The following CPNE1 variants were observed in gnomAD, a reference collection of about 807,000 sequenced individuals.
CPNE1 encodes the protein copine 1, also known as copine-1.
In CPNE1, 58 loss-of-function variants were observed where a neutral mutation model predicts 63.2. The observed-to-expected ratio is 0.92, with a 90% CI of 0.74 to 1.14. The LOEUF is 1.14. Among genes scored for constraint, CPNE1 ranks in the 50% most tolerant of loss-of-function variants. The pLI is 0.00. For missense variants in CPNE1, 672 were observed against 661.7 expected (o/e 1.02, Z -0.17); for synonymous variants, 237 against 249.0 (o/e 0.95, Z 0.45).
intron 1 of CPNE1, chr20:35,654,541 C>T (rs2033769005): frequency 2.5e-6 from 4 of 1,614,188 alleles, no homozygotes; most frequent in Non-Finnish European, 3.4e-6. Context: ...TGCTCCAGAG[C>T]CATTCATTCC....
intron 13 of CPNE1, 77 bp downstream of exon 13, chr20:35,630,362 C>T (rs943942251): frequency 9.0e-7 from 1 of 1,114,044 alleles, no homozygotes; most frequent in Non-Finnish European, 1.3e-6. Context: ...TATCTGCCCC[C>T]ACTCTCCCTT....
chr20:35,644,100 G>T (rs1453131955), intron 1 of CPNE1, among the ~76,000 whole-genome samples: 2 of 152,186 alleles, frequency 1.3e-5, no homozygotes, highest in South Asian at 4.1e-4. Flanking sequence ...TGTTATTTGT[G>T]AGGATTACAT....
chr20:35,626,586 GGTACAAACT>G lies in CPNE1; in HGVS notation c.1445_1453del (p.Gln482_Val484del). The G allele has an allele frequency of 6.2e-7, 1 of 1,614,120 alleles. No individual in the cohort carries two copies. Among genetic ancestry groups the G allele is most frequent in the Non-Finnish European group, 8.5e-7 (1 of 1,179,990 alleles). ...ACTCACATTCTGGAACCGGCGGTAG[GGTACAAACT>G]GCACAATGTCGCGGGCAGCAGCCTG... On this transcript the variant is annotated inframe_deletion, in exon 15 of 16. Coordinates refer to ENST00000397443, the MANE Select transcript of CPNE1 (RefSeq NM_152925.3).
At chr20:35,630,183 A>T (rs2032023837) in intron 13 of CPNE1, among the ~76,000 whole-genome samples, 1 of 152,210 alleles carries the variant, frequency 6.6e-6, no homozygotes, top group Non-Finnish European at 1.5e-5. Flanking sequence ...AGTCCCAGCT[A>T]CTTGGGAGGC....
At chr20:35,630,332 C>G in intron 13 of CPNE1, 107 bp downstream of exon 13, 1 of 830,390 alleles carries the variant, frequency 1.2e-6, no homozygotes, top group Non-Finnish European at 2.0e-6. Context: ...AAAATCCACC[C>G]TCTGGACAAT....
chr20:35,636,858 T>G (rs1354017741), intron 1 of CPNE1, among the ~76,000 whole-genome samples: 1 of 152,180 alleles, frequency 6.6e-6, no homozygotes, highest in African/African-American at 2.4e-5. Flanking sequence ...TGTAGGTGTA[T>G]CTTTATAACA....
chr20:35,631,672 G>C lies in CPNE1; in HGVS notation c.627+16C>G. The C allele has an allele frequency of 1.2e-6, 2 of 1,613,546 alleles. No homozygotes were observed. Among genetic ancestry groups the C allele is most frequent in the Non-Finnish European group, 1.7e-6 (2 of 1,179,486 alleles). ...CTCTTCTCCAGCGCAGTCCACTTAGGGGGCAAGCTCCTCACCTGGATGGGT... is the reference window on the plus strand; with the variant it reads ...CTCTTCTCCAGCGCAGTCCACTTAGCGGGCAAGCTCCTCACCTGGATGGGT... On this transcript the variant is annotated intron_variant, in intron 7 of 15. Coordinates refer to ENST00000397443, the MANE Select transcript of CPNE1 (RefSeq NM_152925.3).
intron 1 of CPNE1, among the ~76,000 whole-genome samples, chr20:35,647,125 A>G (rs2033154541): frequency 6.6e-6 from 1 of 151,980 alleles, no homozygotes; most frequent in Non-Finnish European, 1.5e-5. Flanking sequence ...AGCCTGGCCA[A>G]CATGGTGAAA....
At chr20:35,648,479 T>C (rs1207412596) in intron 1 of CPNE1, among the ~76,000 whole-genome samples, 1 of 152,232 alleles carries the variant, frequency 6.6e-6, no homozygotes, top group East Asian at 1.9e-4. Context: ...AAAAGCCATT[T>C]TGGATATCTG....
chr20:35,654,958 G>A, intron 1 of CPNE1: 1 of 1,614,190 alleles, frequency 6.2e-7, no homozygotes, highest in East Asian at 2.2e-5. Context: ...GTTGGATACT[G>A]TTGTGGGCAA....
chr20:35,631,668 T>C lies in CPNE1; in HGVS notation c.627+20A>G, dbSNP rs771791549. ...GGTTCTCTTCTCCAGCGCAGTCCAC[T>C]TAGGGGGCAAGCTCCTCACCTGGAT... On this transcript the variant is annotated intron_variant, in intron 7 of 15. Coordinates refer to ENST00000397443, the MANE Select transcript of CPNE1 (RefSeq NM_152925.3). The C allele has an allele frequency of 1.2e-6, 2 of 1,613,246 alleles. No individual in the cohort carries two copies. Among genetic ancestry groups the C allele is most frequent in the South Asian group, 2.2e-5 (2 of 91,062 alleles).
intron 1 of CPNE1, among the ~76,000 whole-genome samples, chr20:35,648,250 A>C (rs2033266753): frequency 6.6e-6 from 1 of 152,170 alleles, no homozygotes; most frequent in Admixed American, 6.5e-5. Context: ...GATAAGACTG[A>C]AATAAAGCCA....
Position 35,626,801 on chromosome 20 carries a change from T to C in CPNE1, c.1239A>G (p.Gln413=), listed in dbSNP as rs2425068. The part of the protein sequence containing the change: ...AQAAHQGTAS[Q]YFMLLLLTDG... The stretch of plus-strand genomic sequence containing the variant: ...CAGTCAGCAGCAACAGCATGAAGTA[T>C]TGCTGGGGACAAGCCCATTCATGTC... Residue 413 remains glutamine (Q), a splice_region_variant and synonymous_variant, in exon 15 of 16, where the codon CAA becomes CAG. Transcript: ENST00000397443. 0.061 allele frequency: 98,686 copies of C among 1,613,150 alleles called. 3,430 individuals carry two copies. Among genetic ancestry groups the C allele is most frequent in the Admixed American group, 0.11 (6,449 of 59,994 alleles).
intron 1 of CPNE1, among the ~76,000 whole-genome samples, chr20:35,639,751 G>A (rs2032698774): frequency 6.6e-6 from 1 of 152,220 alleles, no homozygotes; most frequent in Non-Finnish European, 1.5e-5. Context: ...CACAACTGGA[G>A]CTGCTGTCTT....
Position 35,630,480 on chromosome 20 carries a change from T to G in CPNE1, c.1061A>C (p.Glu354Ala), listed in dbSNP as rs773962387. Residue 354 changes from glutamate to alanine, a missense_variant, in exon 13 of 16, where the codon GAA becomes GCA. Physicochemically the swap from Glu to Ala is moderately radical, Grantham distance 107. Coordinates refer to ENST00000397443, the MANE Select transcript of CPNE1 (RefSeq NM_152925.3). Reference protein sequence around the residue: ...QVPPDWQVSHEFALNFNPSNP... With the variant: ...QVPPDWQVSHAFALNFNPSNP... ...ACTGGGGTTGAAATTCAAGGCAAAT[T>G]CATGCGAGACCTGGAGACAAGAATG... 7 of 1,613,956 alleles carry G rather than the reference T, an allele frequency of 4.3e-6. No individual in the cohort carries two copies. The African/African-American group carries it at 8.0e-5, about 18-fold the overall frequency.
At chr20:35,626,832 G>C in intron 14 of CPNE1, 29 bp from the exon 15 acceptor site, 10 of 1,570,578 alleles carry the variant, frequency 6.4e-6, no homozygotes, top group Non-Finnish European at 8.8e-6. Context: ...ATGTCCTGAA[G>C]CAGATCCTCC....
In CPNE1 at chr20:35,653,981, C is replaced by G. The variant is rs777168040; in HGVS notation, c.-1+10779G>C. Reference sequence around the variant, plus strand: ...ACAATATCCAGCTTTTTAAAAAAATCAATGACATGTTTGTTTTCTGCTTCA... The same window carrying G: ...ACAATATCCAGCTTTTTAAAAAAATGAATGACATGTTTGTTTTCTGCTTCA... On this transcript the variant is annotated intron_variant, in intron 1 of 15. Coordinates refer to ENST00000397443, the MANE Select transcript of CPNE1 (RefSeq NM_152925.3). 2 of 1,614,146 alleles carry G rather than the reference C, an allele frequency of 1.2e-6. No individual in the cohort carries two copies. The highest frequency in any genetic ancestry group is 1.3e-5 in the African/African-American group (1 of 75,030).
intron 1 of CPNE1, among the ~76,000 whole-genome samples, chr20:35,663,652 C>G (rs967509229): frequency 2.0e-5 from 3 of 152,166 alleles, no homozygotes; most frequent in African/African-American, 4.8e-5. Flanking sequence ...CATGACACCA[C>G]GCAGATGAGT....
intron 1 of CPNE1, chr20:35,653,223 T>C (rs1016477529): frequency 1.9e-6 from 3 of 1,613,590 alleles, no homozygotes; most frequent in Non-Finnish European, 2.5e-6. Context: ...CTTCACCTCC[T>C]GCACTAGGTA....
Sources: allele counts gnomAD v4.1 joint callset (sites outside exome capture counted in the v4.1 genomes callset), GRCh38; gene constraint gnomAD v4.1.1; transcripts MANE v1.5; gene names NCBI Gene and HGNC (gene_info 2026-07-23, HGNC 2026-07-21).